The following CTTNBP2 variants were observed in gnomAD, a reference collection of about 807,000 sequenced individuals.
CTTNBP2 encodes cortactin-binding protein 2.
Under a neutral mutation model 156.9 loss-of-function variants are expected in CTTNBP2, and 108 were observed. The ratio of observed to expected loss-of-function variants is 0.69; its 90% confidence interval spans 0.59 to 0.81. CTTNBP2 has a LOEUF of 0.81. Among genes scored for constraint, CTTNBP2 ranks in the 30% least tolerant of loss-of-function variants. The pLI is 0.00. For missense variants in CTTNBP2, 1,924 were observed against 2,035.4 expected (o/e 0.95, Z 1.05); for synonymous variants, 767 against 751.8 (o/e 1.02, Z -0.33).
In CTTNBP2 at chr7:117,760,723, T is replaced by C. The variant is rs778065731; in HGVS notation, c.2897-13A>G. ...ATTTTAAGAGCATCTGTTAGAAGAG[T>C]AAAAGAATTAGGAGTTAAAAAAATC... On this transcript the variant is annotated splice_polypyrimidine_tract_variant and intron_variant, in intron 9 of 22. Coordinates refer to ENST00000160373, the MANE Select transcript of CTTNBP2 (RefSeq NM_033427.3). 6.3e-7 allele frequency: 1 copy of C among 1,576,568 alleles called. No homozygotes were observed. The highest frequency in any genetic ancestry group is 1.4e-5 in the African/African-American group (1 of 73,698).
At chr7:117,826,252 A>C (rs1352532396) in intron 2 of CTTNBP2, among the ~76,000 whole-genome samples, 10 of 152,202 alleles carry the variant, frequency 6.6e-5, no homozygotes, top group Admixed American at 6.5e-4. Context: ...AGAAACATGC[A>C]TGAACATAAC....
chr7:117,730,195 C>A (rs1236442567), intron 16 of CTTNBP2, among the ~76,000 whole-genome samples: 2 of 152,130 alleles, frequency 1.3e-5, no homozygotes, highest in African/African-American at 4.8e-5. Context: ...TCTGCCCAGA[C>A]CCCCTGCTTC....
intron 2 of CTTNBP2, among the ~76,000 whole-genome samples, chr7:117,852,382 T>C (rs756106183): frequency 6.6e-6 from 1 of 151,884 alleles, no homozygotes; most frequent in African/African-American, 2.4e-5. Flanking sequence ...ACAGACTTAA[T>C]GACTAAAATA....
intron 1 of CTTNBP2, among the ~76,000 whole-genome samples, chr7:117,864,739 TATTC>T (rs1439528742): frequency 6.9e-6 from 1 of 144,496 alleles, no homozygotes; most frequent in African/African-American, 2.5e-5. Context: ...TATTCATATA[TATTC>T]ATTCAATATA....
intron 22 of CTTNBP2, 85 bp downstream of exon 22, chr7:117,717,914 TTGGTTTAAAAAAATAACTC>T: frequency 1.4e-6 from 1 of 721,634 alleles, no homozygotes; most frequent in South Asian, 1.7e-5. Context: ...GTTCTTAGCT[TTGGTTTAAAAAAATAACTC>T]TGTGATTCAC....
rs1042905443 is a variant in CTTNBP2 at position 117,861,826 on chromosome 7, C to T, written c.82-510G>A. Reference sequence around the variant, plus strand: ...ATCTGGCCCACAGATGTGTGTTACTCGGGTCACAAAGTGGGTTTGTCGTTG... The same window carrying T: ...ATCTGGCCCACAGATGTGTGTTACTTGGGTCACAAAGTGGGTTTGTCGTTG... On this transcript the variant is annotated intron_variant, in intron 1 of 22. Coordinates refer to ENST00000160373, the MANE Select transcript of CTTNBP2 (RefSeq NM_033427.3). Among the ~76,000 whole-genome samples, 7 of 152,016 alleles carry T rather than the reference C, an allele frequency of 4.6e-5. No homozygotes were observed. The South Asian group carries it at 6.2e-4, about 14-fold the overall frequency.
chr7:117,728,198 G>A lies in CTTNBP2; in HGVS notation c.3946C>T (p.Arg1316Cys), dbSNP rs200462759. Residue 1316 changes from arginine (R) to cysteine (C), a missense_variant, in exon 17 of 23, where the codon CGT becomes TGT. Transcript: ENST00000160373. ...KIVDWALSVW[R>C]QLNSCLARLG... Reference sequence around the variant, plus strand: ...CGGGCCAGGCAGGAGTTAAGCTGACGCCAGACGGACAGAGCCCAGTCGACA... The same window carrying A: ...CGGGCCAGGCAGGAGTTAAGCTGACACCAGACGGACAGAGCCCAGTCGACA... The A allele has an allele frequency of 1.7e-4, 271 of 1,614,170 alleles. No individual in the cohort carries two copies. In the East Asian group the frequency reaches 3.1e-3, roughly 19 times the overall value.
intron 1 of CTTNBP2, among the ~76,000 whole-genome samples, chr7:117,871,343 A>T (rs544180800): frequency 6.6e-6 from 1 of 152,340 alleles, no homozygotes; most frequent in East Asian, 1.9e-4. Context: ...GGCCCAATTT[A>T]CTACAAAAGC....
chr7:117,825,609 C>G (rs1801231505), intron 2 of CTTNBP2, among the ~76,000 whole-genome samples: 1 of 152,046 alleles, frequency 6.6e-6, no homozygotes, highest in African/African-American at 2.4e-5. Flanking sequence ...GAGGGATGGG[C>G]TCAGAGGTCA....
At chr7:117,763,327 A>AT (rs1225826941) in intron 9 of CTTNBP2, among the ~76,000 whole-genome samples, 6 of 152,018 alleles carry the variant, frequency 3.9e-5, no homozygotes, top group African/African-American at 1.2e-4. Context: ...TCTACCAGAG[A>AT]TTTTTTCCAC....
At chr7:117,837,094 C>T (rs967869417) in intron 2 of CTTNBP2, among the ~76,000 whole-genome samples, 1 of 152,170 alleles carries the variant, frequency 6.6e-6, no homozygotes, top group South Asian at 2.1e-4. Context: ...AGACAAGGAG[C>T]GTGAGACTGA....
chr7:117,765,401 T>G (rs2116686240), intron 9 of CTTNBP2, among the ~76,000 whole-genome samples: 1 of 152,308 alleles, frequency 6.6e-6, no homozygotes, highest in East Asian at 1.9e-4. Flanking sequence ...CACTCAGGTA[T>G]ACGAATAATT....
chr7:117,758,408 C>T (rs552050741), intron 10 of CTTNBP2, among the ~76,000 whole-genome samples: 1 of 150,820 alleles, frequency 6.6e-6, no homozygotes, highest in East Asian at 1.9e-4. Context: ...TTTTTAGATT[C>T]CAGGAAAAAA....
At position 117,725,048 on chromosome 7, in the gene CTTNBP2, A is replaced by AT; in HGVS notation, c.4261+3dup. On this transcript the variant is annotated splice_donor_region_variant and intron_variant, in intron 18 of 22. Coordinates refer to ENST00000160373, the MANE Select transcript of CTTNBP2 (RefSeq NM_033427.3). ...TCCTCTCCTCTCTGCAGAAACCCAC[A>AT]TACCTGCTCTGGGGAGGGGACAGCC... 1.2e-6 allele frequency: 2 copies of AT among 1,612,066 alleles called. No homozygotes were observed. The highest frequency in any genetic ancestry group is 1.7e-6 in the Non-Finnish European group (2 of 1,179,756).
chr7:117,835,407 T>C (rs1218696754), intron 2 of CTTNBP2, among the ~76,000 whole-genome samples: 1 of 152,214 alleles, frequency 6.6e-6, no homozygotes, highest in African/African-American at 2.4e-5. Context: ...TTCTAACAAG[T>C]AGCCAAGGCT....
At chr7:117,836,512 G>A (rs1409390687) in intron 2 of CTTNBP2, among the ~76,000 whole-genome samples, 3 of 152,306 alleles carry the variant, frequency 2.0e-5, no homozygotes, top group Non-Finnish European at 4.4e-5. Context: ...GCAGTGAGCT[G>A]AGATCGCGCC....
At chr7:117,811,136 A>T (rs1290339736) in intron 2 of CTTNBP2, 147 bp from the exon 3 acceptor site, 1 of 634,668 alleles carries the variant, frequency 1.6e-6, no homozygotes, top group Admixed American at 2.9e-5. Context: ...AGTGAGAGGC[A>T]AATGTGACCC....
intron 7 of CTTNBP2, 74 bp from the exon 8 acceptor site, chr7:117,777,839 C>A: frequency 7.0e-7 from 1 of 1,426,770 alleles, no homozygotes; most frequent in Non-Finnish European, 9.6e-7. Context: ...TGAAAGTTCA[C>A]TTCTAAATGT....
chr7:117,784,195 G>T, intron 5 of CTTNBP2, 56 bp downstream of exon 5: 1 of 1,343,568 alleles, frequency 7.4e-7, no homozygotes, highest in Non-Finnish European at 1.0e-6. Flanking sequence ...TGATACATGG[G>T]CTTTTGACTT....
Sources: gnomAD v4.1 joint callset for allele counts (sites outside exome capture counted in the v4.1 genomes callset) on GRCh38, gnomAD v4.1.1 for gene constraint, MANE v1.5 for transcripts, NCBI Gene and HGNC (gene_info 2026-07-23, HGNC 2026-07-21) for gene names.